DOK6: variants seen among roughly 807,000 people sequenced by gnomAD.
The protein encoded by DOK6 is docking protein 6.
In DOK6, 22 loss-of-function variants were observed where a neutral mutation model predicts 44.0. That is an observed-to-expected ratio of 0.50 (90% CI 0.36 to 0.71). DOK6 has a LOEUF of 0.71. DOK6 is among the 30% of genes least tolerant of loss of function. DOK6 has a pLI of 0.00. For synonymous variants in DOK6, 166 were observed against 145.5 expected, an observed-to-expected ratio of 1.14 and a Z score of -1.01; for missense variants, 340 against 416.4, an observed-to-expected ratio of 0.82 and a Z score of 1.60.
intron 5 of DOK6, among the ~76,000 whole-genome samples, chr18:69,702,818 A>C (rs1986551511): frequency 6.6e-6 from 1 of 152,178 alleles, no homozygotes; most frequent in African/African-American, 2.4e-5. Flanking sequence ...AATGACTATG[A>C]ATGAAGTTTA....
chr18:69,596,613 G>A (rs979864049), intron 2 of DOK6, among the ~76,000 whole-genome samples: 6 of 148,790 alleles, frequency 4.0e-5, no homozygotes, highest in Admixed American at 6.8e-5. Flanking sequence ...AAAAAAACAC[G>A]CCCACAAAGA....
intron 5 of DOK6, among the ~76,000 whole-genome samples, chr18:69,713,568 C>G (rs1986816871): frequency 6.6e-6 from 1 of 152,100 alleles, no homozygotes. Context: ...GACCTTGCAC[C>G]CTGTTCACAT....
At chr18:69,778,314 A>T (rs537940838) in intron 7 of DOK6, among the ~76,000 whole-genome samples, 1 of 152,180 alleles carries the variant, frequency 6.6e-6, no homozygotes, top group Non-Finnish European at 1.5e-5. Flanking sequence ...AGATGGGTTG[A>T]GATGCACGAG....
At chr18:69,512,337 T>C (rs1284703558) in intron 1 of DOK6, among the ~76,000 whole-genome samples, 6 of 106,082 alleles carry the variant, frequency 5.7e-5, no homozygotes, top group African/African-American at 1.9e-4. Flanking sequence ...TTCTTCTTTT[T>C]TTTTTTTTTT....
In DOK6 at chr18:69,401,200, T is replaced by C. The variant is rs751948958; in HGVS notation, c.-45T>C. ...CCGGCGGCGGACGGCGGCTCTCGAC[T>C]CCGGAGAGCGGATCGCGGGGCGCAG... On this transcript the variant is annotated 5_prime_UTR_variant, in exon 1 of 8. Transcript: ENST00000382713. The C allele has an allele frequency of 5.9e-6, 9 of 1,518,008 alleles. No individual in the cohort carries two copies. The East Asian group carries it at 1.4e-4, about 24-fold the overall frequency. 94.0% of individuals were successfully genotyped at this position (1,518,008 alleles called of 1,614,324 possible). A position where few individuals can be genotyped will look rare whatever the true frequency, so the allele number is the denominator to read the frequency against.
In DOK6 at chr18:69,676,215, C is replaced by G. The variant is rs1021540850; in HGVS notation, c.290-1519C>G. On this transcript the variant is annotated intron_variant, in intron 3 of 7. Coordinates refer to ENST00000382713, the MANE Select transcript of DOK6 (RefSeq NM_152721.6). ...ATAAAAGTGCTTCTCATGATAGGAA[C>G]ATTGGAACTATTATTTTTATTAGAA... Among the ~76,000 whole-genome samples, 14 of 152,316 alleles carry G rather than the reference C, an allele frequency of 9.2e-5. No homozygotes were observed. The East Asian group carries it at 2.3e-3, about 25-fold the overall frequency.
intron 7 of DOK6, among the ~76,000 whole-genome samples, chr18:69,771,597 TG>T (rs965227880): frequency 1.4e-4 from 21 of 152,116 alleles, no homozygotes; most frequent in African/African-American, 4.6e-4. Flanking sequence ...TGTCAGATCC[TG>T]GGGATGTATC....
intron 3 of DOK6, among the ~76,000 whole-genome samples, chr18:69,657,978 G>T (rs976437866): frequency 1.3e-5 from 2 of 151,986 alleles, no homozygotes; most frequent in African/African-American, 2.4e-5. Flanking sequence ...TTTGAGAGGG[G>T]TCTCCCTCTA....
chr18:69,433,298 T>C (rs576904387), intron 1 of DOK6, among the ~76,000 whole-genome samples: 1 of 152,312 alleles, frequency 6.6e-6, no homozygotes, highest in South Asian at 2.1e-4. Context: ...TTCCTGAATT[T>C]TTTTTCTGAG....
chr18:69,527,288 G>A (rs1056830993), intron 1 of DOK6, among the ~76,000 whole-genome samples: 1 of 152,148 alleles, frequency 6.6e-6, no homozygotes, highest in African/African-American at 2.4e-5. Flanking sequence ...ACCTGAGACT[G>A]GGTAATTTAT....
intron 7 of DOK6, chr18:69,831,182 G>A (rs1001731239): frequency 1.3e-5 from 2 of 152,188 alleles, no homozygotes; most frequent in Non-Finnish European, 2.9e-5. Flanking sequence ...AGGTCCCATA[G>A]TCCAAAGGCC....
At chr18:69,688,148 CCCCCACA>C (rs1229685549) in intron 4 of DOK6, among the ~76,000 whole-genome samples, 1 of 152,066 alleles carries the variant, frequency 6.6e-6, no homozygotes, top group Non-Finnish European at 1.5e-5. Context: ...ATACACCAAG[CCCCCACA>C]CTGGAAACTA....
rs115659601 is a variant in DOK6, at chr18:69,485,062, G to A, written c.67-79425G>A. Among the ~76,000 whole-genome samples, 893 of 152,202 alleles carry A rather than the reference G, an allele frequency of 5.9e-3. 8 individuals are homozygous for A. The highest frequency in any genetic ancestry group is 0.019 in the African/African-American group (807 of 41,520). ...TGGGGGGTTACAAATGCATTGTAAC[G>A]AGTAGGAGAATTTGCAAATACAGAG... On this transcript the variant is annotated intron_variant, in intron 1 of 7. Coordinates refer to ENST00000382713, the MANE Select transcript of DOK6 (RefSeq NM_152721.6).
intron 7 of DOK6, among the ~76,000 whole-genome samples, chr18:69,760,734 G>A (rs1369187627): frequency 8.0e-6 from 1 of 125,460 alleles, no homozygotes; most frequent in East Asian, 2.6e-4. Flanking sequence ...GGCCGGTTGT[G>A]ACCAATTATT....
chr18:69,572,518 T>A (rs928108098), intron 2 of DOK6, among the ~76,000 whole-genome samples: 3 of 152,130 alleles, frequency 2.0e-5, no homozygotes, highest in Non-Finnish European at 4.4e-5. Context: ...ACTGCTAAAG[T>A]TGTTCCTTTG....
At position 69,753,794 on chromosome 18, in the gene DOK6, G is replaced by A. The variant is rs183040781; in HGVS notation, c.739-3962G>A. ...AATAACAAGGGAATTCTGGCACAAAGATTGCAGAATTTTGTATCGCTGTTT... is the reference window on the plus strand; with the variant it reads ...AATAACAAGGGAATTCTGGCACAAAAATTGCAGAATTTTGTATCGCTGTTT... On this transcript the variant is annotated intron_variant, in intron 6 of 7. Coordinates refer to ENST00000382713, the MANE Select transcript of DOK6 (RefSeq NM_152721.6). 2.6e-3 allele frequency among the ~76,000 whole-genome samples: 393 copies of A among 150,384 alleles called. 1 individual carries two copies. Among genetic ancestry groups the A allele is most frequent in the African/African-American group, 9.2e-3 (379 of 41,328 alleles).
At chr18:69,705,925 A>C (rs1389805626) in intron 5 of DOK6, among the ~76,000 whole-genome samples, 1 of 152,156 alleles carries the variant, frequency 6.6e-6, no homozygotes, top group Admixed American at 6.5e-5. Flanking sequence ...GATTAAAAAA[A>C]AAAAAAACAC....
At chr18:69,705,015 A>G (rs1986603703) in intron 5 of DOK6, 1 of 152,238 alleles carries the variant, frequency 6.6e-6, no homozygotes, top group African/African-American at 2.4e-5. Context: ...TAACAAGGAT[A>G]TGTGGCTGGG....
chr18:69,510,018 C>G (rs1394822269), intron 1 of DOK6, among the ~76,000 whole-genome samples: 1 of 152,186 alleles, frequency 6.6e-6, no homozygotes, highest in Admixed American at 6.5e-5. Flanking sequence ...TTGCCGCATA[C>G]AAGACTAATG....
Sources: allele counts gnomAD v4.1 joint callset (sites outside exome capture counted in the v4.1 genomes callset), GRCh38; gene constraint gnomAD v4.1.1; transcripts MANE v1.5; gene names NCBI Gene and HGNC (gene_info 2026-07-23, HGNC 2026-07-21).